Variants in MICU1 observed in about 807,000 individuals in gnomAD.
MICU1 encodes calcium uptake protein 1, mitochondrial.
A neutral mutation model predicts 56.8 loss-of-function variants in MICU1; 45 were observed. The ratio of observed to expected loss-of-function variants is 0.79; its 90% CI spans 0.62 to 1.02. The LOEUF (loss-of-function observed/expected upper bound fraction) is 1.02, where lower values mean the gene tolerates loss of function less well. Among genes scored for constraint, MICU1 ranks in the 50% least tolerant of loss-of-function variants. MICU1 has a pLI of 0.00. For missense variants in MICU1, 504 were observed against 587.1 expected (o/e 0.86, Z 1.46); for synonymous variants, 186 against 195.1 (o/e 0.95, Z 0.39).
intron 7 of MICU1, 60 bp from the exon 8 acceptor site, chr10:72,475,357 A>T (rs1866084634): frequency 2.3e-5 from 31 of 1,371,044 alleles, no homozygotes; most frequent in Non-Finnish European, 2.9e-5. Context: ...ACATAAACAT[A>T]GAAAAGCAAG....
chr10:72,622,061 G>C (rs752937996), intron 1 of MICU1, among the ~76,000 whole-genome samples: 2 of 151,854 alleles, frequency 1.3e-5, no homozygotes, highest in Admixed American at 1.3e-4. Context: ...GACTACAGGC[G>C]CCTGCCACCA....
Position 72,423,301 on chromosome 10 carries a change from C to T in MICU1, c.1004G>A (p.Ser335Asn). The T allele has an allele frequency of 6.2e-7, 1 of 1,614,004 alleles. No individual in the cohort carries two copies. Among genetic ancestry groups the T allele is most frequent in the Non-Finnish European group, 8.5e-7 (1 of 1,179,862 alleles). ...GGTCAGCTTCTTGGACTGCACCCCACTGTAGGCAAGTAGCATGCCACCAAA... is the reference window on the plus strand; with the variant it reads ...GGTCAGCTTCTTGGACTGCACCCCATTGTAGGCAAGTAGCATGCCACCAAA... ...RQFGGMLLAY[S>N]GVQSKKLTAM... The change falls in exon 9 of 12, where the codon AGT becomes AAT. Residue 335 changes from serine (S) to asparagine (N), a missense_variant. Physicochemically the swap from Ser to Asn is conservative, Grantham distance 46. Transcript: ENST00000361114.
At chr10:72,531,612 A>C (rs1839485152) in intron 5 of MICU1, 1 of 152,052 alleles carries the variant, frequency 6.6e-6, no homozygotes, top group South Asian at 2.1e-4. Context: ...CAGCTACTTA[A>C]GAGGCTGAGG....
At chr10:72,371,538 T>C (rs1291239855) in intron 11 of MICU1, among the ~76,000 whole-genome samples, 1 of 151,756 alleles carries the variant, frequency 6.6e-6, no homozygotes, top group Non-Finnish European at 1.5e-5. Flanking sequence ...AGGTCAGAAG[T>C]TCGAGACCAG....
chr10:72,509,533 C>T, intron 5 of MICU1: 1 of 651,054 alleles, frequency 1.5e-6, no homozygotes, highest in Non-Finnish European at 2.4e-6. Flanking sequence ...AAAATAGCCT[C>T]TACTAGATAT....
intron 5 of MICU1, chr10:72,524,105 T>C: frequency 1.6e-6 from 1 of 615,584 alleles, no homozygotes; most frequent in South Asian, 6.4e-5. Flanking sequence ...AGTAGGAACA[T>C]AATATCCCAA....
chr10:72,475,587 C>T (rs1425110950), intron 7 of MICU1, among the ~76,000 whole-genome samples: 2 of 152,032 alleles, frequency 1.3e-5, no homozygotes, highest in Non-Finnish European at 1.5e-5. Context: ...CACCATCATG[C>T]CTGGCTAATT....
chr10:72,551,547 A>G (rs1840036091), intron 3 of MICU1, among the ~76,000 whole-genome samples: 1 of 152,160 alleles, frequency 6.6e-6, no homozygotes, highest in Non-Finnish European at 1.5e-5. Flanking sequence ...ATTTCTTGCA[A>G]TATACCATTC....
At chr10:72,440,154 A>G (rs1444285607) in intron 8 of MICU1, among the ~76,000 whole-genome samples, 1 of 152,192 alleles carries the variant, frequency 6.6e-6, no homozygotes, top group African/African-American at 2.4e-5. Context: ...AAACTATACT[A>G]CAAGGCTACA....
chr10:72,510,884 G>A (rs1867425628), intron 5 of MICU1, among the ~76,000 whole-genome samples: 1 of 152,088 alleles, frequency 6.6e-6, no homozygotes, highest in Non-Finnish European at 1.5e-5. Context: ...CACCCACCTT[G>A]GCCTCCCAAA....
chr10:72,480,296 A>G (rs78727356), intron 6 of MICU1, among the ~76,000 whole-genome samples: 1,681 of 152,370 alleles, frequency 0.011, 34 homozygotes, highest in African/African-American at 0.038. Context: ...GCATGAAGAA[A>G]GAGAGCAAAT....
At chr10:72,538,963 G>C (rs1234752516) in intron 4 of MICU1, among the ~76,000 whole-genome samples, 1 of 152,026 alleles carries the variant, frequency 6.6e-6, no homozygotes, top group Non-Finnish European at 1.5e-5. Flanking sequence ...AGATAAAATA[G>C]AGTATAAGTC....
At chr10:72,475,828 A>G (rs118095014) in intron 7 of MICU1, 1 of 456,602 alleles carries the variant, frequency 2.2e-6, no homozygotes, top group Non-Finnish European at 4.4e-6. Flanking sequence ...GCTGGTAAGT[A>G]GCAGAATTAG....
In MICU1 at chr10:72,406,985, C is replaced by T. The variant is rs367952554; in HGVS notation, c.1180+944G>A. ...AAAGGATTAAACTACTGACACACAA[C>T]GGAGATGGATCTCAAAAACATTGAG... On this transcript the variant is annotated intron_variant, in intron 10 of 11. Coordinates refer to ENST00000361114, the MANE Select transcript of MICU1 (RefSeq NM_001195518.2). Among the ~76,000 whole-genome samples the T allele has an allele frequency of 3.6e-4, 55 of 152,242 alleles. 1 individual carries two copies. The East Asian group carries it at 8.3e-3, about 23-fold the overall frequency.
At chr10:72,421,002 C>CAAAAAAAAA (rs34221911) in intron 9 of MICU1, among the ~76,000 whole-genome samples, 3 of 108,654 alleles carry the variant, frequency 2.8e-5, no homozygotes, top group African/African-American at 3.7e-5. Context: ...AACTCCGTCT[C>CAAAAAAAAA]AAAAAAAAAA....
intron 4 of MICU1, among the ~76,000 whole-genome samples, chr10:72,547,230 G>A (rs899538462): frequency 6.6e-6 from 1 of 151,756 alleles, no homozygotes; most frequent in Admixed American, 6.6e-5. Flanking sequence ...ATAGAGACAG[G>A]GTCTCGCTAT....
At chr10:72,477,628 T>C (rs927099725) in intron 6 of MICU1, 4 of 1,235,930 alleles carry the variant, frequency 3.2e-6, no homozygotes, top group Non-Finnish European at 3.4e-6. Context: ...ATGTCTAGGG[T>C]GAGACATATT....
intron 4 of MICU1, among the ~76,000 whole-genome samples, chr10:72,543,299 T>A (rs974409308): frequency 2.0e-4 from 30 of 152,198 alleles, no homozygotes; most frequent in African/African-American, 5.3e-4. Flanking sequence ...AAAATGTTTT[T>A]AAAATACATT....
At chr10:72,579,769 C>T (rs1199302584) in intron 1 of MICU1, among the ~76,000 whole-genome samples, 2 of 152,060 alleles carry the variant, frequency 1.3e-5, no homozygotes, top group African/African-American at 4.8e-5. Flanking sequence ...CTTCTGATGG[C>T]TCAGTGTATA....
Sources: gnomAD v4.1 joint callset for allele counts (sites outside exome capture counted in the v4.1 genomes callset) on GRCh38, gnomAD v4.1.1 for gene constraint, MANE v1.5 for transcripts, NCBI Gene and HGNC (gene_info 2026-07-23, HGNC 2026-07-21) for gene names.